The following RP1 variants were observed in gnomAD, a reference collection of about 807,000 sequenced individuals.
The protein encoded by RP1 is RP1 axonemal microtubule associated, also known as oxygen-regulated protein 1.
A neutral mutation model predicts 14.8 loss-of-function variants in RP1; 16 were observed. The ratio of observed to expected loss-of-function variants is 1.08; its 90% confidence interval spans 0.73 to 1.65. RP1 has a LOEUF of 1.65. RP1 is among the 40% of genes most tolerant of loss of function. The pLI is 0.00. For synonymous variants in RP1, 876 were observed against 883.6 expected (o/e 0.99, Z 0.15); for missense variants, 2,631 against 2,535.0 (o/e 1.04, Z -0.81).
intron 24 of RP1, among the ~76,000 whole-genome samples, chr8:54,787,525 T>C (rs1055741810): frequency 2.0e-5 from 3 of 152,210 alleles, no homozygotes; most frequent in Non-Finnish European, 2.9e-5. Context: ...CATCCATGTA[T>C]CTTATATTAA....
intron 1 of RP1, among the ~76,000 whole-genome samples, chr8:54,575,003 G>A (rs77941415): frequency 0.016 from 2,384 of 152,240 alleles, 69 homozygotes; most frequent in African/African-American, 0.054. Context: ...TTCCACTGCC[G>A]TCAAGTACAG....
chr8:54,635,576 T>G (rs1320145666), downstream of RP1, among the ~76,000 whole-genome samples: 2 of 152,198 alleles, frequency 1.3e-5, no homozygotes, highest in East Asian at 3.8e-4. Flanking sequence ...GTTTATTTAA[T>G]GTAGTTGCTG....
chr8:54,570,791 C>A (rs964288555), intron 1 of RP1, among the ~76,000 whole-genome samples: 5 of 152,190 alleles, frequency 3.3e-5, no homozygotes, highest in African/African-American at 9.7e-5. Flanking sequence ...TTTATCTTTT[C>A]AGCCTGCTAG....
At chr8:54,749,311 A>G (rs1219571448) in intron 19 of RP1, among the ~76,000 whole-genome samples, 1 of 151,856 alleles carries the variant, frequency 6.6e-6, no homozygotes, top group African/African-American at 2.4e-5. Context: ...AGCCTGGGCA[A>G]CAGAGCAAGA....
chr8:54,586,390 G>T (rs572367568), intron 1 of RP1, among the ~76,000 whole-genome samples: 1 of 152,202 alleles, frequency 6.6e-6, no homozygotes, highest in Non-Finnish European at 1.5e-5. Context: ...GGCCGTGTGA[G>T]GTGTCAGTCT....
intron 1 of RP1, among the ~76,000 whole-genome samples, chr8:54,590,960 G>A (rs79226061): frequency 6.6e-6 from 1 of 152,202 alleles, no homozygotes; most frequent in East Asian, 1.9e-4. Context: ...AAACCTAAAG[G>A]TTAAACTTGA....
intron 12 of RP1, among the ~76,000 whole-genome samples, chr8:54,695,993 A>G (rs772438952): frequency 6.6e-6 from 1 of 152,320 alleles, no homozygotes; most frequent in South Asian, 2.1e-4. Context: ...TTTCATTTTT[A>G]GAAATATGAC....
chr8:54,797,754 A>G (rs1810608439), intron 24 of RP1, among the ~76,000 whole-genome samples: 1 of 152,176 alleles, frequency 6.6e-6, no homozygotes, highest in South Asian at 2.1e-4. Flanking sequence ...TATCATATTT[A>G]TTATAGTATT....
chr8:54,797,873 C>CTTTTTT (rs71254593), intron 24 of RP1, among the ~76,000 whole-genome samples: 4 of 112,256 alleles, frequency 3.6e-5, no homozygotes, highest in East Asian at 2.5e-4. Context: ...GTTTCCCAAC[C>CTTTTTT]TTTTTTTTTT....
At chr8:54,689,057 T>C (rs1351304243) in intron 12 of RP1, among the ~76,000 whole-genome samples, 1 of 152,190 alleles carries the variant, frequency 6.6e-6, no homozygotes, top group African/African-American at 2.4e-5. Flanking sequence ...CCTAGGTGTT[T>C]TATTCTCTTT....
At chr8:54,829,687 C>T (rs765324699) in intron 24 of RP1, among the ~76,000 whole-genome samples, 6 of 152,036 alleles carry the variant, frequency 3.9e-5, no homozygotes, top group Admixed American at 2.6e-4. Flanking sequence ...GAAAGATCAA[C>T]AAATGTCTAT....
At chr8:54,866,503 A>C (rs991798021) in intron 28 of RP1, among the ~76,000 whole-genome samples, 4 of 152,186 alleles carry the variant, frequency 2.6e-5, no homozygotes, top group Non-Finnish European at 5.9e-5. Context: ...AGAATGATTA[A>C]ATCTTCTCTA....
chr8:54,760,514 G>A (rs967973003), intron 22 of RP1, among the ~76,000 whole-genome samples: 4 of 152,146 alleles, frequency 2.6e-5, no homozygotes, highest in Non-Finnish European at 5.9e-5. Flanking sequence ...GGAAAATAAT[G>A]TTCTAAAAGC....
In RP1 at chr8:54,628,947, A is replaced by G; in HGVS notation, c.5065A>G (p.Ser1689Gly). 1 of 1,614,072 alleles carries G rather than the reference A, an allele frequency of 6.2e-7. No homozygotes were observed. Among genetic ancestry groups the G allele is most frequent in the Non-Finnish European group, 8.5e-7 (1 of 1,179,970 alleles). ...TGGCTCTTCTGAACAGGTATCTAGT[A>G]GTTCATCTATGTTGCAGGAATTCCA... ...SFGSSEQVSS[S>G]SSMLQEFQEE... The change falls in exon 4 of 4, where the codon AGT becomes GGT. Residue 1689 changes from serine to glycine, a missense_variant. By Grantham distance (56) the Ser-to-Gly change is moderately conservative. Coordinates refer to ENST00000220676, the MANE Select transcript of RP1 (RefSeq NM_006269.2).
chr8:54,649,431 C>G (rs2129325251), intron 4 of RP1, among the ~76,000 whole-genome samples: 1 of 152,042 alleles, frequency 6.6e-6, no homozygotes, highest in East Asian at 1.9e-4. Flanking sequence ...AGATAAGGCT[C>G]AAAGTCAAGC....
At chr8:54,605,653 A>G (rs1172877577) in intron 1 of RP1, among the ~76,000 whole-genome samples, 1 of 152,100 alleles carries the variant, frequency 6.6e-6, no homozygotes, top group African/African-American at 2.4e-5. Flanking sequence ...AAAGTCTCCC[A>G]TTATTATTGT....
At chr8:54,755,031 T>C (rs1246756151) in intron 20 of RP1, 11 of 1,302,382 alleles carry the variant, frequency 8.4e-6, no homozygotes, top group Non-Finnish European at 1.1e-5. Flanking sequence ...AGAATATTTT[T>C]CCTGCTTCTA....
At chr8:54,598,520 A>G (rs1191370411) in intron 1 of RP1, among the ~76,000 whole-genome samples, 2 of 152,192 alleles carry the variant, frequency 1.3e-5, no homozygotes, top group Non-Finnish European at 1.5e-5. Context: ...ATTCAGATGG[A>G]AAGTTTATTG....
chr8:54,644,081 C>G (rs369727466), intron 3 of RP1, among the ~76,000 whole-genome samples: 2 of 152,180 alleles, frequency 1.3e-5, no homozygotes, highest in Non-Finnish European at 2.9e-5. Flanking sequence ...TAATGCATCT[C>G]GGACCAAAAT....
Sources: allele counts gnomAD v4.1 joint callset (sites outside exome capture counted in the v4.1 genomes callset), GRCh38; gene constraint gnomAD v4.1.1; transcripts MANE v1.5; gene names NCBI Gene and HGNC (gene_info 2026-07-23, HGNC 2026-07-21).